Variants in PAK5 observed in about 807,000 individuals in gnomAD.
PAK5 encodes the protein serine/threonine-protein kinase PAK 5.
Under a neutral mutation model 65.9 loss-of-function variants are expected in PAK5, and 16 were observed. The ratio of observed to expected loss-of-function variants is 0.24; its 90% CI spans 0.16 to 0.37. PAK5 has a LOEUF of 0.37. Ranked by LOEUF, PAK5 falls within the 10% of genes least tolerant of loss-of-function variation. The probability of loss-of-function intolerance (pLI) is 1.00; values close to 1 mark genes in which losing one functional copy is unlikely to be tolerated. For synonymous variants in PAK5, 371 were observed against 354.9 expected (o/e 1.05, Z -0.51); for missense variants, 785 against 903.9 (o/e 0.87, Z 1.69).
At chr20:9,784,791 GAGA>G (rs1393565759) in intron 1 of PAK5, among the ~76,000 whole-genome samples, 2 of 151,058 alleles carry the variant, frequency 1.3e-5, no homozygotes, top group African/African-American at 4.9e-5. Context: ...CAAAAAACAA[GAGA>G]AGAAGTAAAA....
At chr20:9,799,939 C>CAAAAAAAAAAAAAAAAAAA (rs71331383) in intron 1 of PAK5, among the ~76,000 whole-genome samples, 2 of 43,658 alleles carry the variant, frequency 4.6e-5, no homozygotes, top group Admixed American at 4.0e-4. Flanking sequence ...ACTCTGTCTC[C>CAAAAAAAAAAAAAAAAAAA]AAAAAAAAAA....
intron 1 of PAK5, among the ~76,000 whole-genome samples, chr20:9,801,453 C>T (rs928882792): frequency 6.6e-6 from 1 of 150,830 alleles, no homozygotes; most frequent in African/African-American, 2.4e-5. Context: ...ATATTCTGTT[C>T]TTATGGAACT....
intron 2 of PAK5, among the ~76,000 whole-genome samples, chr20:9,665,251 G>C (rs2047401184): frequency 6.6e-6 from 1 of 151,692 alleles, no homozygotes; most frequent in Admixed American, 6.6e-5. Context: ...CAACTGGATA[G>C]TCACCATTGT....
intron 1 of PAK5, among the ~76,000 whole-genome samples, chr20:9,748,076 C>T (rs2048529733): frequency 6.6e-6 from 1 of 152,114 alleles, no homozygotes; most frequent in Non-Finnish European, 1.5e-5. Context: ...TGAGTGAACT[C>T]CCATTCACAA....
chr20:9,822,941 A>G (rs1157776224), intron 1 of PAK5, among the ~76,000 whole-genome samples: 1 of 152,150 alleles, frequency 6.6e-6, no homozygotes, highest in Non-Finnish European at 1.5e-5. Flanking sequence ...CTCTATTTTA[A>G]TACTCTAATT....
chr20:9,795,386 G>A (rs2049093901), intron 1 of PAK5, among the ~76,000 whole-genome samples: 1 of 151,960 alleles, frequency 6.6e-6, no homozygotes, highest in Non-Finnish European at 1.5e-5. Context: ...ATATTTAAAT[G>A]TCTTTAAAAA....
intron 3 of PAK5, among the ~76,000 whole-genome samples, chr20:9,614,186 A>G (rs1190745184): frequency 6.6e-6 from 1 of 152,244 alleles, no homozygotes; most frequent in Non-Finnish European, 1.5e-5. Context: ...GCGAGAGATC[A>G]AAAACACTAA....
intron 3 of PAK5, among the ~76,000 whole-genome samples, chr20:9,611,852 G>C (rs1425985195): frequency 6.6e-6 from 1 of 152,150 alleles, no homozygotes; most frequent in Non-Finnish European, 1.5e-5. Flanking sequence ...ACAGAGGTGG[G>C]AATTTACTTG....
chr20:9,687,320 G>C (rs2047732778), intron 2 of PAK5, among the ~76,000 whole-genome samples: 1 of 152,218 alleles, frequency 6.6e-6, no homozygotes, highest in Non-Finnish European at 1.5e-5. Flanking sequence ...GGAAGCTTGA[G>C]TCACATCATC....
At chr20:9,649,188 G>A (rs1037218109) in intron 2 of PAK5, among the ~76,000 whole-genome samples, 15 of 152,074 alleles carry the variant, frequency 9.9e-5, no homozygotes, top group African/African-American at 3.4e-4. Context: ...CATTCACCTG[G>A]CAGTTTGATT....
chr20:9,628,353 T>A (rs1206489958), intron 3 of PAK5, among the ~76,000 whole-genome samples: 3 of 152,202 alleles, frequency 2.0e-5, no homozygotes, highest in Non-Finnish European at 4.4e-5. Flanking sequence ...AGAGGGCTCT[T>A]AAGCAATACA....
At chr20:9,546,715 C>G (rs2122903664) in intron 7 of PAK5, among the ~76,000 whole-genome samples, 1 of 152,258 alleles carries the variant, frequency 6.6e-6, no homozygotes, top group Non-Finnish European at 1.5e-5. Context: ...GAGATGAAAC[C>G]AGGTAAGAAC....
At chr20:9,815,642 T>C (rs1324563083) in intron 1 of PAK5, among the ~76,000 whole-genome samples, 2 of 152,194 alleles carry the variant, frequency 1.3e-5, no homozygotes, top group Non-Finnish European at 2.9e-5. Context: ...TTTCTCACTG[T>C]GGTCCCTCAT....
chr20:9,768,101 A>AT (rs1360563671), intron 1 of PAK5, among the ~76,000 whole-genome samples: 5 of 152,040 alleles, frequency 3.3e-5, no homozygotes, highest in Admixed American at 6.6e-5. Context: ...GACAACTTTT[A>AT]TTTTTTTAAT....
chr20:9,722,384 C>T (rs1404004536), intron 1 of PAK5, among the ~76,000 whole-genome samples: 6 of 151,954 alleles, frequency 3.9e-5, no homozygotes, highest in African/African-American at 1.5e-4. Context: ...GATTACACCT[C>T]GTGTAATCAC....
chr20:9,679,199 T>C (rs1350747611), intron 2 of PAK5, among the ~76,000 whole-genome samples: 1 of 152,206 alleles, frequency 6.6e-6, no homozygotes, highest in African/African-American at 2.4e-5. Flanking sequence ...TTCTTTCCTC[T>C]AGTTTACTTT....
Position 9,566,072 on chromosome 20 carries a change from C to T in PAK5, c.1303G>A (p.Ala435Thr), listed in dbSNP as rs1253723323. Residue 435 changes from alanine (A) to threonine (T), a missense_variant, in exon 5 of 10, where the codon GCC becomes ACC. By Grantham distance (58) the Ala-to-Thr change is moderately conservative (BLOSUM62 0). Transcript: ENST00000353224. ...CCTGGGCTGACCACCAGCTGCAGGG[C>T]CGCCCGAAACTGTTCATGGGACACC... The part of the protein sequence containing the change: ...SRVSHEQFRA[A>T]LQLVVSPGDP... The T allele has an allele frequency of 3.7e-6, 6 of 1,613,822 alleles. No homozygotes were observed. The highest frequency in any genetic ancestry group is 5.1e-6 in the Non-Finnish European group (6 of 1,179,976).
At chr20:9,811,758 A>G (rs1034110862) in intron 1 of PAK5, among the ~76,000 whole-genome samples, 36 of 151,502 alleles carry the variant, frequency 2.4e-4, no homozygotes, top group Non-Finnish European at 4.2e-4. Flanking sequence ...ACATGTGCTC[A>G]CCCCGCCACT....
intron 3 of PAK5, among the ~76,000 whole-genome samples, chr20:9,633,023 G>C (rs757712463): frequency 6.6e-6 from 1 of 152,094 alleles, no homozygotes; most frequent in South Asian, 2.1e-4. Flanking sequence ...TAATTGAAAA[G>C]GCTGGTATGG....
Sources: allele counts gnomAD v4.1 joint callset (sites outside exome capture counted in the v4.1 genomes callset), GRCh38; gene constraint gnomAD v4.1.1; transcripts MANE v1.5; gene names NCBI Gene and HGNC (gene_info 2026-07-23, HGNC 2026-07-21).